Variants in TMEM132B observed in about 807,000 individuals in gnomAD.
TMEM132B encodes transmembrane protein 132B.
TMEM132B carries 18 observed loss-of-function variants against 90.8 expected under a neutral mutation model. The observed-to-expected ratio is 0.20, with a 90% CI of 0.14 to 0.29. The LOEUF is 0.29. TMEM132B is among the 10% of genes least tolerant of loss of function. The probability of loss-of-function intolerance (pLI) is 1.00; values close to 1 mark genes in which losing one functional copy is unlikely to be tolerated. For synonymous variants in TMEM132B, 504 were observed against 523.3 expected, an observed-to-expected ratio of 0.96 and a Z score of 0.50; for missense variants, 1,096 against 1,326.8, an observed-to-expected ratio of 0.83 and a Z score of 2.70.
At chr12:125,526,596 C>G (rs1022972504) in intron 4 of TMEM132B, among the ~76,000 whole-genome samples, 2 of 152,194 alleles carry the variant, frequency 1.3e-5, no homozygotes, top group Non-Finnish European at 2.9e-5. Flanking sequence ...CAACCCCAGA[C>G]TTATGATTTA....
rs143426382 is a variant in TMEM132B, at chr12:125,409,119, T to A, written c.960-6412T>A. Among the ~76,000 whole-genome samples the A allele has an allele frequency of 3.7e-3, 561 of 152,284 alleles. 6 individuals carry two copies. The highest frequency in any genetic ancestry group is 0.013 in the African/African-American group (541 of 41,556). On this transcript the variant is annotated intron_variant, in intron 2 of 8. Transcript: ENST00000682704. ...TGTGCTCACAGGTACTCTCCTCAGTTTGTGTAGAAGCCTGCTGCCTTTACT... is the reference window on the plus strand; with the variant it reads ...TGTGCTCACAGGTACTCTCCTCAGTATGTGTAGAAGCCTGCTGCCTTTACT...
chr12:125,191,031 A>G (rs1245914104), intron 1 of TMEM132B, among the ~76,000 whole-genome samples: 2 of 32,356 alleles, frequency 6.2e-5, no homozygotes, highest in African/African-American at 1.3e-4. Flanking sequence ...GGTGATGGTG[A>G]CGGGGAAGGG....
At chr12:125,644,393 G>A in intron 6 of TMEM132B, 112 bp downstream of exon 6, 1 of 1,184,918 alleles carries the variant, frequency 8.4e-7, no homozygotes, top group Non-Finnish European at 1.2e-6. Flanking sequence ...ATCCACAGCG[G>A]GAAGCGTGGT....
chr12:125,447,701 G>A (rs1292217567), intron 3 of TMEM132B, among the ~76,000 whole-genome samples: 3 of 152,056 alleles, frequency 2.0e-5, no homozygotes, highest in Non-Finnish European at 2.9e-5. Flanking sequence ...GGTAAATGGT[G>A]TCAGTTTTTA....
At chr12:125,299,430 G>T (rs1336289377) in intron 1 of TMEM132B, among the ~76,000 whole-genome samples, 1 of 152,066 alleles carries the variant, frequency 6.6e-6, no homozygotes, top group East Asian at 1.9e-4. Context: ...CCAGGACCTG[G>T]TCCTCCAGCC....
intron 1 of TMEM132B, among the ~76,000 whole-genome samples, chr12:125,316,779 G>A (rs1876291737): frequency 6.6e-6 from 1 of 152,222 alleles, no homozygotes; most frequent in African/African-American, 2.4e-5. Context: ...GAGGGGGACA[G>A]AGCAGTGAGA....
chr12:125,227,610 T>C (rs1873712452), intron 1 of TMEM132B, among the ~76,000 whole-genome samples: 1 of 152,082 alleles, frequency 6.6e-6, no homozygotes. Flanking sequence ...ATTAGGATGG[T>C]TCCCTCTTGA....
intron 3 of TMEM132B, among the ~76,000 whole-genome samples, chr12:125,441,602 C>T (rs956280055): frequency 2.0e-5 from 3 of 152,164 alleles, no homozygotes; most frequent in African/African-American, 7.2e-5. Flanking sequence ...GCCCTTAGGT[C>T]CCTCCCACCC....
intron 2 of TMEM132B, among the ~76,000 whole-genome samples, chr12:125,361,569 A>C (rs778927130): frequency 1.2e-4 from 19 of 152,210 alleles, no homozygotes; most frequent in Non-Finnish European, 2.4e-4. Flanking sequence ...GATGCTCTGA[A>C]ATCTGCAACC....
intron 1 of TMEM132B, among the ~76,000 whole-genome samples, chr12:125,216,480 G>A (rs1427933228): frequency 1.3e-5 from 2 of 152,116 alleles, no homozygotes; most frequent in Admixed American, 6.5e-5. Context: ...ACTTCATTTT[G>A]TAACACCTCT....
At chr12:125,207,514 G>T (rs1873210284) in intron 1 of TMEM132B, among the ~76,000 whole-genome samples, 1 of 152,234 alleles carries the variant, frequency 6.6e-6, no homozygotes, top group Non-Finnish European at 1.5e-5. Flanking sequence ...CCAGCCACAT[G>T]TTGATGTGGA....
rs145375318 is a variant in TMEM132B at position 125,431,967 on chromosome 12, G to A, written c.1106+16290G>A. On this transcript the variant is annotated intron_variant, in intron 3 of 8. Coordinates refer to ENST00000682704, the MANE Select transcript of TMEM132B (RefSeq NM_001366854.1). ...TGTCCACTTCCTTTCTCTGGCTCTC[G>A]CTTTTGCCATGTGTGAAATAGGGGG... 1.2e-3 allele frequency among the ~76,000 whole-genome samples: 176 copies of A among 152,146 alleles called. 4 individuals carry two copies. In the East Asian group the frequency reaches 0.031, roughly 27 times the overall value.
At chr12:125,392,992 C>T (rs1879070313) in intron 2 of TMEM132B, among the ~76,000 whole-genome samples, 2 of 152,182 alleles carry the variant, frequency 1.3e-5, no homozygotes, top group Non-Finnish European at 2.9e-5. Context: ...CCTCTGTGCC[C>T]ACATTTGCAA....
At chr12:125,238,815 CAG>C (rs1396529897) in intron 1 of TMEM132B, among the ~76,000 whole-genome samples, 18 of 152,264 alleles carry the variant, frequency 1.2e-4, no homozygotes, top group African/African-American at 4.1e-4. Context: ...AGAAGGGAAT[CAG>C]GGTATTGTTA....
chr12:125,496,700 G>C (rs1023895925), intron 3 of TMEM132B, among the ~76,000 whole-genome samples: 3 of 152,126 alleles, frequency 2.0e-5, no homozygotes, highest in Non-Finnish European at 4.4e-5. Flanking sequence ...ATTCTCTCTG[G>C]CCTTCATTCT....
chr12:125,629,965 A>G (rs1264218332), intron 5 of TMEM132B, among the ~76,000 whole-genome samples: 1 of 152,174 alleles, frequency 6.6e-6, no homozygotes, highest in Admixed American at 6.5e-5. Context: ...ATGTTGAACC[A>G]TCCTTGCATC....
intron 3 of TMEM132B, among the ~76,000 whole-genome samples, chr12:125,469,535 G>A (rs1481215745): frequency 2.0e-5 from 3 of 152,112 alleles, no homozygotes; most frequent in Non-Finnish European, 4.4e-5. Context: ...GTGTGCCTGG[G>A]TCTTTGATGA....
At chr12:125,273,831 A>G (rs144977925) in intron 1 of TMEM132B, among the ~76,000 whole-genome samples, 2 of 152,162 alleles carry the variant, frequency 1.3e-5, no homozygotes, top group African/African-American at 4.8e-5. Flanking sequence ...ACACGGGCTA[A>G]TTTTTGTATT....
At chr12:125,417,593 G>T (rs1880052653) in intron 3 of TMEM132B, among the ~76,000 whole-genome samples, 1 of 152,180 alleles carries the variant, frequency 6.6e-6, no homozygotes, top group Non-Finnish European at 1.5e-5. Flanking sequence ...TTATCAGGTG[G>T]GTTTGTGTCC....
Sources: gnomAD v4.1 joint callset for allele counts (sites outside exome capture counted in the v4.1 genomes callset) on GRCh38, gnomAD v4.1.1 for gene constraint, MANE v1.5 for transcripts, NCBI Gene and HGNC (gene_info 2026-07-23, HGNC 2026-07-21) for gene names.